The following PCDHGA8 variants were observed in gnomAD, a reference collection of about 807,000 sequenced individuals.
The protein encoded by PCDHGA8 is protocadherin gamma subfamily A, 8.
In PCDHGA8, 45 loss-of-function variants were observed where a neutral mutation model predicts 59.2. The ratio of observed to expected loss-of-function variants is 0.76; its 90% CI spans 0.60 to 0.98. The LOEUF (loss-of-function observed/expected upper bound fraction) is 0.98. PCDHGA8 is among the 50% of genes least tolerant of loss of function. PCDHGA8 has a pLI of 0.00. For synonymous variants in PCDHGA8, 531 were observed against 519.0 expected, an observed-to-expected ratio of 1.02 and a Z score of -0.32; for missense variants, 1,257 against 1,196.2, an observed-to-expected ratio of 1.05 and a Z score of -0.75.
rs758715682 is a variant in PCDHGA8, at chr5:141,490,062, C to T, written c.2425-4745C>T. The T allele has an allele frequency of 2.6e-5, 42 of 1,614,100 alleles. No individual in the cohort carries two copies. The highest frequency in any genetic ancestry group is 3.3e-5 in the South Asian group (3 of 91,086). On this transcript the variant is annotated intron_variant, in intron 1 of 3. Coordinates refer to ENST00000398604, the MANE Select transcript of PCDHGA8 (RefSeq NM_032088.2). The surrounding 1 kb of genome is among the most constrained non-coding windows in gnomAD (Gnocchi z 5.4). The stretch of plus-strand genomic sequence containing the variant: ...CCACTGATCCAGACGAGGGCACCAA[C>T]GGCCAACTAGACTATTCTTTTGGAG...
chr5:141,440,481 T>C (rs1451820594), intron 1 of PCDHGA8: 1 of 152,196 alleles, frequency 6.6e-6, no homozygotes, highest in African/African-American at 2.4e-5. Context: ...GAAAATTCTT[T>C]AAATGTTTTT....
intron 1 of PCDHGA8, among the ~76,000 whole-genome samples, chr5:141,435,651 C>T (rs762264332): frequency 1.4e-4 from 22 of 152,044 alleles, no homozygotes; most frequent in Non-Finnish European, 2.9e-4. Flanking sequence ...ATTTCTGAAA[C>T]GTGCACAGAT....
At chr5:141,488,259 C>T (rs1594750656) in intron 1 of PCDHGA8, among the ~76,000 whole-genome samples, 1 of 152,144 alleles carries the variant, frequency 6.6e-6, no homozygotes, top group African/African-American at 2.4e-5. Context: ...AAGGTTGGGG[C>T]GGGTTGGTCA....
At chr5:141,492,384 C>T (rs1001189412) in intron 1 of PCDHGA8, among the ~76,000 whole-genome samples, 1 of 152,230 alleles carries the variant, frequency 6.6e-6, no homozygotes, top group African/African-American at 2.4e-5. Context: ...AGGCCTGTTC[C>T]GGTCCACTCG....
At chr5:141,402,859 G>A (rs1314987043) in intron 1 of PCDHGA8, 8 of 1,428,738 alleles carry the variant, frequency 5.6e-6, no homozygotes, top group Non-Finnish European at 7.4e-6. Flanking sequence ...TTCTTCTAAG[G>A]AAAAGATCAC....
intron 1 of PCDHGA8, chr5:141,413,755 A>G: frequency 1.2e-6 from 2 of 1,612,936 alleles, no homozygotes; most frequent in Non-Finnish European, 1.7e-6. Context: ...CAATGGCGTC[A>G]AGTACCCGGA....
chr5:141,430,910 G>A lies in PCDHGA8; in HGVS notation c.2424+35673G>A. The A allele has an allele frequency of 6.2e-7, 1 of 1,608,040 alleles. No homozygotes were observed. The highest frequency in any genetic ancestry group is 8.5e-7 in the Non-Finnish European group (1 of 1,177,584). On this transcript the variant is annotated intron_variant, in intron 1 of 3. Coordinates refer to ENST00000398604, the MANE Select transcript of PCDHGA8 (RefSeq NM_032088.2). ...CTCTAGGGTGGGCGACATCTCCAGG[G>A]ACCTGGGGCTGGAGCCCCGGGAGCT...
In PCDHGA8 at chr5:141,432,002, G is replaced by A. The variant is rs781525225; in HGVS notation, c.2424+36765G>A. On this transcript the variant is annotated intron_variant, in intron 1 of 3. Transcript: ENST00000398604. This position sits in a 1 kb window ranked among gnomAD's most constrained non-coding sequence, Gnocchi z 6.0. ...AGACATAGTCTTGGATAGGGAACAG[G>A]TTCCTAGCTACAACATCACAGTGAC... The A allele has an allele frequency of 1.9e-6, 3 of 1,614,186 alleles. No homozygotes were observed. In the South Asian group the frequency reaches 3.3e-5, roughly 18 times the overall value.
Position 141,394,580 on chromosome 5 carries a change from C to G in PCDHGA8, c.1767C>G (p.Thr589=). The change falls in exon 1 of 4, where the codon ACC becomes ACG. Residue 589 remains threonine (T), a synonymous_variant. Coordinates refer to ENST00000398604, the MANE Select transcript of PCDHGA8 (RefSeq NM_032088.2). ...CCGCAGAGCGTGGCTACCTGGTGACCAAGGTGGTGGCGGTGGACAGAGACT... is the reference window on the plus strand; with the variant it reads ...CCGCAGAGCGTGGCTACCTGGTGACGAAGGTGGTGGCGGTGGACAGAGACT... ...PRSAERGYLV[T]KVVAVDRDSG... The G allele has an allele frequency of 6.2e-7, 1 of 1,613,914 alleles. No homozygotes were observed. Among genetic ancestry groups the G allele is most frequent in the Non-Finnish European group, 8.5e-7 (1 of 1,180,032 alleles).
chr5:141,427,361 A>ACC (rs781206288), intron 1 of PCDHGA8: 1 of 457,772 alleles, frequency 2.2e-6, no homozygotes, highest in South Asian at 1.5e-5. Context: ...AGGACGCAGA[A>ACC]CCCTGGACGG....
chr5:141,415,492 A>G lies in PCDHGA8; in HGVS notation c.2424+20255A>G, dbSNP rs373866182. 4 of 1,614,154 alleles carry G rather than the reference A, an allele frequency of 2.5e-6. No individual in the cohort carries two copies. The African/African-American group carries it at 4.0e-5, about 16-fold the overall frequency. On this transcript the variant is annotated intron_variant, in intron 1 of 3. Transcript: ENST00000398604. Reference sequence around the variant, plus strand: ...CGCGGACTCGCGAAAGAGTCACCTGATCTTCCCCCAGCCCAATTATGCGGA... The same window carrying G: ...CGCGGACTCGCGAAAGAGTCACCTGGTCTTCCCCCAGCCCAATTATGCGGA...
chr5:141,417,942 C>A (rs1324501154), intron 1 of PCDHGA8: 19 of 1,613,208 alleles, frequency 1.2e-5, no homozygotes, highest in Non-Finnish European at 1.5e-5. Flanking sequence ...TTCTACCCCA[C>A]GCTGTGTGAG....
intron 2 of PCDHGA8, among the ~76,000 whole-genome samples, chr5:141,501,290 TACACACACACACACACACACAC>T (rs55762287): frequency 1.4e-4 from 19 of 136,248 alleles, no homozygotes; most frequent in Admixed American, 1.1e-3. Context: ...TATTCCCTTA[TACACACACACACACACACACAC>T]ACACACACAC....
At chr5:141,445,134 A>T (rs900226020) in intron 1 of PCDHGA8, among the ~76,000 whole-genome samples, 1 of 152,198 alleles carries the variant, frequency 6.6e-6, no homozygotes, top group East Asian at 1.9e-4. Context: ...TTAAAATTGT[A>T]TCTTCTAATT....
intron 1 of PCDHGA8, among the ~76,000 whole-genome samples, chr5:141,452,300 T>C (rs886540131): frequency 2.0e-5 from 3 of 152,194 alleles, no homozygotes; most frequent in African/African-American, 7.2e-5. Flanking sequence ...TAAGAAAATA[T>C]TAGAGACTCA....
At chr5:141,475,146 G>A (rs938308425) in intron 1 of PCDHGA8, among the ~76,000 whole-genome samples, 3 of 152,014 alleles carry the variant, frequency 2.0e-5, no homozygotes, top group African/African-American at 4.8e-5. Context: ...AATCTTCTCC[G>A]TCTTCTTCTT....
At position 141,511,397 on chromosome 5, in the gene PCDHGA8, C is replaced by A; in HGVS notation, c.*224C>A. ...AGCAGTTCCGCTGGGAACCCCCATC[C>A]AATCAACTGCTGTACCCATGGGGGT... On this transcript the variant is annotated 3_prime_UTR_variant, in exon 4 of 4. Coordinates refer to ENST00000398604, the MANE Select transcript of PCDHGA8 (RefSeq NM_032088.2). 1.0e-6 allele frequency: 1 copy of A among 1,002,376 alleles called. No individual in the cohort carries two copies. The highest frequency in any genetic ancestry group is 1.4e-6 in the Non-Finnish European group (1 of 705,546). 62.1% of individuals were successfully genotyped at this position (1,002,376 alleles called of 1,614,324 possible). A position where few individuals can be genotyped will look rare whatever the true frequency, so the allele number is the denominator to read the frequency against.
intron 1 of PCDHGA8, among the ~76,000 whole-genome samples, chr5:141,474,788 A>G (rs1426105047): frequency 6.6e-6 from 1 of 152,232 alleles, no homozygotes; most frequent in Non-Finnish European, 1.5e-5. Context: ...AACACTTTAC[A>G]TCTAATGGAG....
chr5:141,433,307 C>A, intron 1 of PCDHGA8: 1 of 913,756 alleles, frequency 1.1e-6, no homozygotes, highest in Non-Finnish European at 1.6e-6. Flanking sequence ...AATTATCCCA[C>A]CTTTGCCTCC....
Sources: gnomAD v4.1 joint callset for allele counts (sites outside exome capture counted in the v4.1 genomes callset) on GRCh38, gnomAD v4.1.1 for gene constraint, Gnocchi (gnomAD v3.1) non-coding constraint, MANE v1.5 for transcripts, NCBI Gene and HGNC (gene_info 2026-07-23, HGNC 2026-07-21) for gene names.